CCSER1: variants seen among roughly 807,000 people sequenced by gnomAD.
CCSER1 encodes serine-rich coiled-coil domain-containing protein 1.
A neutral mutation model predicts 82.0 loss-of-function variants in CCSER1; 41 were observed. That is an observed-to-expected ratio of 0.50 (90% CI 0.39 to 0.65). The LOEUF (loss-of-function observed/expected upper bound fraction) is 0.65. Ranked by LOEUF, CCSER1 falls within the 30% of genes least tolerant of loss-of-function variation. The probability of loss-of-function intolerance (pLI) is 0.00; values close to 1 mark genes in which losing one functional copy is unlikely to be tolerated. For synonymous variants in CCSER1, 414 were observed against 383.9 expected, an observed-to-expected ratio of 1.08 and a Z score of -0.92; for missense variants, 1,119 against 1,064.2, an observed-to-expected ratio of 1.05 and a Z score of -0.72.
intron 10 of CCSER1, among the ~76,000 whole-genome samples, chr4:91,336,041 C>T (rs1747302789): frequency 6.6e-6 from 1 of 152,042 alleles, no homozygotes; most frequent in African/African-American, 2.4e-5. Context: ...CAAAGCCTTA[C>T]TTTTATATAA....
intron 10 of CCSER1, among the ~76,000 whole-genome samples, chr4:91,497,477 T>C (rs1180552687): frequency 6.6e-6 from 1 of 151,816 alleles, no homozygotes; most frequent in South Asian, 2.1e-4. Flanking sequence ...TCCTGTGATA[T>C]AGATTATTTA....
chr4:90,791,279 G>A (rs927696373), intron 7 of CCSER1, among the ~76,000 whole-genome samples: 17 of 152,276 alleles, frequency 1.1e-4, no homozygotes, highest in Admixed American at 3.9e-4. Flanking sequence ...GATGAGATTT[G>A]GGTAGGGACA....
At chr4:91,082,446 C>A (rs1459285353) in intron 9 of CCSER1, among the ~76,000 whole-genome samples, 4 of 152,150 alleles carry the variant, frequency 2.6e-5, no homozygotes, top group Non-Finnish European at 5.9e-5. Context: ...AGACCTAAAA[C>A]CATTAAAACC....
At chr4:90,638,503 T>A (rs1725849092) in intron 6 of CCSER1, among the ~76,000 whole-genome samples, 1 of 152,150 alleles carries the variant, frequency 6.6e-6, no homozygotes, top group Admixed American at 6.6e-5. Context: ...ATTGTTAGAA[T>A]AACATAGGTT....
At chr4:91,539,384 A>T (rs1464895054) in intron 10 of CCSER1, among the ~76,000 whole-genome samples, 2 of 152,114 alleles carry the variant, frequency 1.3e-5, no homozygotes, top group South Asian at 2.1e-4. Flanking sequence ...TTGTTACCTC[A>T]CTTACCAAAT....
At position 91,441,973 on chromosome 4, in the gene CCSER1, A is replaced by G. The variant is rs373994638; in HGVS notation, c.2218-156599A>G. 1.0e-3 allele frequency among the ~76,000 whole-genome samples: 154 copies of G among 152,140 alleles called. 2 individuals carry two copies. In the South Asian group the frequency reaches 0.03, roughly 30 times the overall value. ...ACCACTGCTCAAGGAAATAAAAGAG[A>G]ATACAAACAAATGGAAGAACATTCC... On this transcript the variant is annotated intron_variant, in intron 10 of 10. Transcript: ENST00000509176.
At chr4:91,191,042 T>G (rs1734953099) in intron 10 of CCSER1, among the ~76,000 whole-genome samples, 1 of 152,216 alleles carries the variant, frequency 6.6e-6, no homozygotes, top group African/African-American at 2.4e-5. Flanking sequence ...ATTAACATTT[T>G]AATTTGGATA....
chr4:90,342,094 C>A (rs529557095), intron 3 of CCSER1, among the ~76,000 whole-genome samples: 15 of 152,210 alleles, frequency 9.9e-5, no homozygotes, highest in African/African-American at 3.4e-4. Flanking sequence ...CAATTATTTT[C>A]TTTTAAGTGC....
intron 3 of CCSER1, among the ~76,000 whole-genome samples, chr4:90,388,087 C>T (rs1293640701): frequency 6.6e-6 from 1 of 152,164 alleles, no homozygotes; most frequent in African/African-American, 2.4e-5. Flanking sequence ...ACATTTTAGA[C>T]TTGAACGGCT....
intron 1 of CCSER1, among the ~76,000 whole-genome samples, chr4:90,141,897 A>G (rs1438630048): frequency 6.6e-6 from 1 of 152,226 alleles, no homozygotes; most frequent in East Asian, 1.9e-4. Flanking sequence ...TTGACTATGC[A>G]TACATTTATT....
chr4:91,589,198 G>A (rs1298182934), intron 10 of CCSER1, among the ~76,000 whole-genome samples: 1 of 151,570 alleles, frequency 6.6e-6, no homozygotes, highest in Non-Finnish European at 1.5e-5. Context: ...TCTTAGATTA[G>A]GTAAATACGT....
intron 3 of CCSER1, among the ~76,000 whole-genome samples, chr4:90,371,401 G>T (rs544059204): frequency 6.6e-6 from 1 of 151,804 alleles, no homozygotes; most frequent in Admixed American, 6.6e-5. Context: ...CAAATATATT[G>T]CTATGCCTTA....
At chr4:90,712,504 T>C (rs1188521856) in intron 6 of CCSER1, among the ~76,000 whole-genome samples, 1 of 151,924 alleles carries the variant, frequency 6.6e-6, no homozygotes, top group Non-Finnish European at 1.5e-5. Context: ...GTTCAATAGT[T>C]TTTTTATGAT....
chr4:90,952,972 A>C (rs1733068530), intron 9 of CCSER1, among the ~76,000 whole-genome samples: 1 of 151,972 alleles, frequency 6.6e-6, no homozygotes. Flanking sequence ...TTATCTAAAT[A>C]GTTTCTGCTT....
chr4:91,228,518 T>G (rs1227228936), intron 10 of CCSER1, among the ~76,000 whole-genome samples: 2 of 152,104 alleles, frequency 1.3e-5, no homozygotes, highest in African/African-American at 2.4e-5. Context: ...ATACTCTTAT[T>G]TTAAATATAT....
At chr4:91,597,157 C>T (rs1024150986) in intron 10 of CCSER1, among the ~76,000 whole-genome samples, 5 of 152,022 alleles carry the variant, frequency 3.3e-5, no homozygotes, top group East Asian at 1.9e-4. Flanking sequence ...ATCAAGCAGA[C>T]GGCCTGTCCT....
At chr4:90,577,838 G>T (rs888127325) in intron 5 of CCSER1, among the ~76,000 whole-genome samples, 2 of 151,858 alleles carry the variant, frequency 1.3e-5, no homozygotes, top group South Asian at 2.1e-4. Context: ...ATTTCATGCC[G>T]GTGCAGCAGA....
chr4:90,188,244 A>G (rs1378080077), intron 1 of CCSER1, among the ~76,000 whole-genome samples: 1 of 151,556 alleles, frequency 6.6e-6, no homozygotes, highest in African/African-American at 2.4e-5. Context: ...TTTTAATTTT[A>G]TTTTTATTTA....
intron 10 of CCSER1, among the ~76,000 whole-genome samples, chr4:91,300,029 C>G (rs1056518161): frequency 6.6e-6 from 1 of 151,870 alleles, no homozygotes; most frequent in African/African-American, 2.4e-5. Context: ...TGGCTTCCAC[C>G]TCTTTTGAAG....
Sources: gnomAD v4.1 joint callset for allele counts (sites outside exome capture counted in the v4.1 genomes callset) on GRCh38, gnomAD v4.1.1 for gene constraint, MANE v1.5 for transcripts, NCBI Gene and HGNC (gene_info 2026-07-23, HGNC 2026-07-21) for gene names.